Variants in DMPK observed in about 807,000 individuals in gnomAD.
DMPK encodes the protein DM1 protein kinase, also known as myotonin-protein kinase.
Under a neutral mutation model 70.3 loss-of-function variants are expected in DMPK, and 32 were observed. The observed-to-expected ratio is 0.46, with a 90% confidence interval of 0.34 to 0.61. The LOEUF (loss-of-function observed/expected upper bound fraction) is 0.61. Ranked by LOEUF, DMPK falls within the 20% of genes least tolerant of loss-of-function variation. The pLI, the probability that DMPK is intolerant of heterozygous loss-of-function variation, is 0.01. For missense variants in DMPK, 899 were observed against 886.0 expected, an observed-to-expected ratio of 1.01 and a Z score of -0.19; for synonymous variants, 469 against 390.9, an observed-to-expected ratio of 1.20 and a Z score of -2.36.
rs1346509734 is a variant in DMPK, at chr19:45,782,431, C to T, written c.-79G>A. 1 of 1,421,118 alleles carries T rather than the reference C, an allele frequency of 7.0e-7. No homozygotes were observed. The highest frequency in any genetic ancestry group is 2.8e-5 in the Admixed American group (1 of 35,292). The allele number at this position is 1,421,118 out of a possible 1,614,324, so 88.0% of individuals were successfully genotyped here. A position where few individuals can be genotyped will look rare whatever the true frequency, so the allele number is the denominator to read the frequency against. ...TGTCACAGGGCCTGGCAGCCCCTGT[C>T]CAGGCCCTGGAGCCCTGGCTGCATG... On this transcript the variant is annotated 5_prime_UTR_variant, in exon 1 of 15. Coordinates refer to ENST00000291270, the MANE Select transcript of DMPK (RefSeq NM_004409.5).
chr19:45,779,988 ACTGT>A lies in DMPK; in HGVS notation c.161-123_161-120del, dbSNP rs755904408. On this transcript the variant is annotated intron_variant, in intron 1 of 14. Transcript: ENST00000291270. ...CTCTGCCTCTCAGCTTCACCCTAGG[ACTGT>A]CTGCTTCCCAGGGGCTTCCCCACAT... 8 of 1,565,526 alleles carry A rather than the reference ACTGT, an allele frequency of 5.1e-6. No individual in the cohort carries two copies. In the South Asian group the frequency reaches 9.3e-5, roughly 18 times the overall value.
chr19:45,770,477 A>T lies in DMPK; in HGVS notation c.*11T>A. Reference sequence around the variant, plus strand: ...CCAACGGGGCCCCGGAGTCGAAGACAGTTCTAGGGTTCAGGGAGCGCGGGC... The same window carrying T: ...CCAACGGGGCCCCGGAGTCGAAGACTGTTCTAGGGTTCAGGGAGCGCGGGC... On this transcript the variant is annotated 3_prime_UTR_variant, in exon 15 of 15. Coordinates refer to ENST00000291270, the MANE Select transcript of DMPK (RefSeq NM_004409.5). The T allele has an allele frequency of 6.5e-7, 1 of 1,550,070 alleles. No homozygotes were observed. Among genetic ancestry groups the T allele is most frequent in the Non-Finnish European group, 8.7e-7 (1 of 1,146,784 alleles).
Position 45,774,961 on chromosome 19 carries a change from C to A in DMPK, c.1220G>T (p.Cys407Phe), listed in dbSNP as rs1255531574. ...GGGCAGTGCTTACCTGAGGGCCATG[C>A]AGGAGTAGGAGTAGCCCACAAAAGG... ...HLPFVGYSYS[C>F]MALRDSEVPG... Residue 407 changes from cysteine (C) to phenylalanine (F), a missense_variant, in exon 9 of 15, where the codon TGC becomes TTC. Cys to Phe is a radical substitution (Grantham distance 205). Around this residue, in one of 3 missense-constraint regions of DMPK, gnomAD observed 555 missense variants for 483.8 expected, o/e 1.15. Transcript: ENST00000291270. 1.2e-6 allele frequency: 2 copies of A among 1,613,714 alleles called. No homozygotes were observed. Among genetic ancestry groups the A allele is most frequent in the Non-Finnish European group, 1.7e-6 (2 of 1,179,920 alleles).
At chr19:45,774,460 C>T (rs1169706223) in intron 9 of DMPK, among the ~76,000 whole-genome samples, 1 of 151,912 alleles carries the variant, frequency 6.6e-6, no homozygotes, top group Non-Finnish European at 1.5e-5. Context: ...GACGGGGTTT[C>T]ACCGTGTTAG....
At position 45,770,498 on chromosome 19, in the gene DMPK, CGGGCGGCTCCT is replaced by C. The variant is rs1384915185; in HGVS notation, c.1869_1879del (p.Gly624ArgfsTer18). ...AGACAGTTCTAGGGTTCAGGGAGCG[CGGGCGGCTCCT>C]GGGCGGCGCCAGACTGCGGTGAGTT... On this transcript the variant is annotated frameshift_variant, in exon 15 of 15. Transcript: ENST00000291270. LOFTEE classifies it high-confidence loss of function. 9 of 1,550,388 alleles carry C rather than the reference CGGGCGGCTCCT, an allele frequency of 5.8e-6. No homozygotes were observed. Among genetic ancestry groups the C allele is most frequent in the East Asian group, 2.4e-5 (1 of 40,922 alleles).
chr19:45,772,664 A>G lies in DMPK; in HGVS notation c.1321T>C (p.Ser441Pro). ...ACTGTTTCATCCTGTGGGGACACCG[A>G]GGGCTCCAGGCTGGGCGCTTGCACG... ...PHVQAPSLEP[S>P]VSPQDETAEV... Residue 441 changes from serine (S) to proline (P), a missense_variant, in exon 10 of 15, where the codon TCG (serine) becomes CCG (proline). Transcript: ENST00000291270. The G allele has an allele frequency of 1.9e-6, 3 of 1,541,254 alleles. No homozygotes were observed. Among genetic ancestry groups the G allele is most frequent in the Non-Finnish European group, 2.6e-6 (3 of 1,152,982 alleles).
At chr19:45,770,830 G>C in intron 14 of DMPK, 141 bp downstream of exon 14, 1 of 964,046 alleles carries the variant, frequency 1.0e-6, no homozygotes, top group Non-Finnish European at 1.5e-6. Context: ...CTGCTTCCTA[G>C]CGGCCTGTGT....
chr19:45,771,999 G>A lies in DMPK; in HGVS notation c.1345-71C>T. 3 of 1,470,764 alleles carry A rather than the reference G, an allele frequency of 2.0e-6. No homozygotes were observed. The South Asian group carries it at 4.1e-5, about 20-fold the overall frequency. 91.1% of individuals were successfully genotyped at this position (1,470,764 alleles called of 1,614,324 possible). A position where few individuals can be genotyped will look rare whatever the true frequency, so the allele number is the denominator to read the frequency against. On this transcript the variant is annotated intron_variant, in intron 10 of 14. Transcript: ENST00000291270. ...ACTCAGGACTTGGGCACTGGTTCCA[G>A]GCTAGGAATCCTTGTTTATCCCCTA...
chr19:45,775,060 AG>A (rs763476430), intron 8 of DMPK, 26 bp from the exon 9 acceptor site: 6 of 1,596,024 alleles, frequency 3.8e-6, no homozygotes, highest in Middle Eastern at 1.7e-4. Flanking sequence ...AGATGTGAGC[AG>A]CAGTCGTCAG....
In DMPK at chr19:45,771,064, G is replaced by A. The variant is rs558794490; in HGVS notation, c.1648-4C>T. ...CCACGGCCGGGGGGCCATCTAGCTG[G>A]AGAGAGAAGGGACAGGTGACCCGAT... On this transcript the variant is annotated splice_region_variant and splice_polypyrimidine_tract_variant and intron_variant, in intron 13 of 14. Transcript: ENST00000291270. 1.5e-4 allele frequency: 230 copies of A among 1,526,132 alleles called. No homozygotes were observed. In the East Asian group the frequency reaches 5.2e-3, roughly 35 times the overall value. The allele number at this position is 1,526,132 out of a possible 1,614,324, so 94.5% of individuals were successfully genotyped here. A position where few individuals can be genotyped will look rare whatever the true frequency, so the allele number is the denominator to read the frequency against.
intron 1 of DMPK, 112 bp downstream of exon 1, chr19:45,782,080 TC>T: frequency 1.0e-6 from 1 of 996,046 alleles, no homozygotes; most frequent in Non-Finnish European, 1.4e-6. Context: ...TGGGAGGATC[TC>T]CCCATGCCCA....
rs1314807129 is a variant in DMPK, at chr19:45,770,461, C to T, written c.*27G>A. ...CCGGGCACTCAGTCTTCCAACGGGG[C>T]CCCGGAGTCGAAGACAGTTCTAGGG... On this transcript the variant is annotated 3_prime_UTR_variant, in exon 15 of 15. Coordinates refer to ENST00000291270, the MANE Select transcript of DMPK (RefSeq NM_004409.5). 21 of 1,548,996 alleles carry T rather than the reference C, an allele frequency of 1.4e-5. No individual in the cohort carries two copies. Among genetic ancestry groups the T allele is most frequent in the Non-Finnish European group, 1.7e-5 (19 of 1,146,606 alleles).
At chr19:45,780,288 G>A (rs1351128601) in intron 1 of DMPK, 1 of 1,542,866 alleles carries the variant, frequency 6.5e-7, no homozygotes, top group East Asian at 2.3e-5. Flanking sequence ...AGAATGTCCT[G>A]GGTAACGGCC....
In DMPK at chr19:45,771,011, G is replaced by A. The variant is rs536277584; in HGVS notation, c.1697C>T (p.Pro566Leu). ...VAVGQCPLVG[P>L]GPMHRRHLLL... is the part of the protein sequence containing the mutation. Reference sequence around the variant, plus strand: ...CAGGTGGCGGCGGTGCATGGGGCCTGGCCCCACCAGCGGGCACTGGCCCAC... The same window carrying A: ...CAGGTGGCGGCGGTGCATGGGGCCTAGCCCCACCAGCGGGCACTGGCCCAC... The change falls in exon 14 of 15, where the codon CCA becomes CTA. Residue 566 changes from proline (P) to leucine (L), a missense_variant. Transcript: ENST00000291270. 1.4e-6 allele frequency: 2 copies of A among 1,474,726 alleles called. No individual in the cohort carries two copies. Among genetic ancestry groups the A allele is most frequent in the South Asian group, 1.4e-5 (1 of 73,324 alleles). 91.4% of individuals were successfully genotyped at this position (1,474,726 alleles called of 1,614,324 possible).
At position 45,770,658 on chromosome 19, in the gene DMPK, G is replaced by GGTCAAC; in HGVS notation, c.1738-24_1738-19dup. 6.5e-7 allele frequency: 1 copy of GGTCAAC among 1,549,088 alleles called. No homozygotes were observed. Among genetic ancestry groups the GGTCAAC allele is most frequent in the Non-Finnish European group, 8.7e-7 (1 of 1,145,904 alleles). On this transcript the variant is annotated intron_variant, in intron 14 of 14. Transcript: ENST00000291270. Reference sequence around the variant, plus strand: ...CTAGGGACCTGCGGGGAGAGGGCGAGGTCAACACCCGGCATGGGCCTCTGA... The same window carrying GGTCAAC: ...CTAGGGACCTGCGGGGAGAGGGCGAGGTCAACGTCAACACCCGGCATGGGCCTCTGA...
chr19:45,782,111 C>CCAA, intron 1 of DMPK, 82 bp downstream of exon 1: 2 of 908,182 alleles, frequency 2.2e-6, no homozygotes, highest in South Asian at 2.0e-5. Flanking sequence ...CCTGCCCCCC[C>CCAA]AACAGCCAGG....
At chr19:45,773,715 C>T (rs1337988371) in intron 9 of DMPK, among the ~76,000 whole-genome samples, 1 of 152,154 alleles carries the variant, frequency 6.6e-6, no homozygotes, top group Non-Finnish European at 1.5e-5. Flanking sequence ...TATCATGGCT[C>T]ACTGAAGCCT....
chr19:45,779,770 C>A lies in DMPK; in HGVS notation c.252+8G>T. 1 of 1,543,080 alleles carries A rather than the reference C, an allele frequency of 6.5e-7. No homozygotes were observed. The highest frequency in any genetic ancestry group is 8.7e-7 in the Non-Finnish European group (1 of 1,143,960). On this transcript the variant is annotated splice_region_variant and intron_variant, in intron 2 of 14. Transcript: ENST00000291270. ...AGTCAAGTCAGGCTCCCGCCCGGTT[C>A]GGCTTACCTCGCTGAACGCCCCGCG...
intron 13 of DMPK, 135 bp from the exon 14 acceptor site, chr19:45,771,195 C>T: frequency 1.7e-6 from 2 of 1,210,812 alleles, no homozygotes. Context: ...GAGGCCTGAA[C>T]GGAGGGAGAT....
Sources: gnomAD v4.1 joint callset for allele counts (sites outside exome capture counted in the v4.1 genomes callset) on GRCh38, gnomAD v4.1.1 for gene constraint, gnomAD v4.1.1 regional missense constraint, MANE v1.5 for transcripts, NCBI Gene and HGNC (gene_info 2026-07-23, HGNC 2026-07-21) for gene names.